Variants in KCNT2 observed in about 807,000 individuals in gnomAD.
KCNT2 encodes the protein potassium channel subfamily T member 2.
In KCNT2, 67 loss-of-function variants were observed where a neutral mutation model predicts 153.8. The ratio of observed to expected loss-of-function variants is 0.44; its 90% CI spans 0.36 to 0.53. KCNT2 has a LOEUF of 0.53. Among genes scored for constraint, KCNT2 ranks in the 20% least tolerant of loss-of-function variants. The probability of loss-of-function intolerance (pLI) is 0.00; values close to 1 mark genes in which losing one functional copy is unlikely to be tolerated. For missense variants in KCNT2, 975 were observed against 1,354.8 expected (o/e 0.72, Z 4.40); for synonymous variants, 500 against 458.8 (o/e 1.09, Z -1.15).
At chr1:196,548,375 G>A (rs563719343) in intron 1 of KCNT2, among the ~76,000 whole-genome samples, 1 of 151,978 alleles carries the variant, frequency 6.6e-6, no homozygotes, top group Non-Finnish European at 1.5e-5. Context: ...CTCAAAAGAA[G>A]ACTTTTATGC....
chr1:196,556,047 T>C (rs1658611223), intron 1 of KCNT2, among the ~76,000 whole-genome samples: 1 of 151,388 alleles, frequency 6.6e-6, no homozygotes, highest in African/African-American at 2.4e-5. Context: ...GCTGTGAAAC[T>C]ACTACAAGAA....
At chr1:196,403,576 T>C (rs1671591994) in intron 12 of KCNT2, among the ~76,000 whole-genome samples, 1 of 151,550 alleles carries the variant, frequency 6.6e-6, no homozygotes, top group Admixed American at 6.6e-5. Context: ...AATTTATCAA[T>C]ATTGGTTCAT....
At chr1:196,456,155 A>G (rs1480443591) in intron 8 of KCNT2, among the ~76,000 whole-genome samples, 2 of 151,946 alleles carry the variant, frequency 1.3e-5, no homozygotes, top group African/African-American at 4.8e-5. Flanking sequence ...GTAGAAGCTG[A>G]TATTGGAAGT....
intron 8 of KCNT2, among the ~76,000 whole-genome samples, chr1:196,461,088 C>A (rs908268579): frequency 6.6e-6 from 1 of 151,634 alleles, no homozygotes; most frequent in Non-Finnish European, 1.5e-5. Flanking sequence ...CACCATTAGA[C>A]CATGTTGTAA....
intron 8 of KCNT2, among the ~76,000 whole-genome samples, chr1:196,441,884 T>C (rs1370694559): frequency 6.6e-6 from 1 of 151,830 alleles, no homozygotes; most frequent in Non-Finnish European, 1.5e-5. Context: ...ATACATACTG[T>C]GCTTAATGTA....
chr1:196,509,245 G>C lies in KCNT2; in HGVS notation c.96-16904C>G, dbSNP rs1452960558. On this transcript the variant is annotated intron_variant, in intron 1 of 27. Coordinates refer to ENST00000294725, the MANE Select transcript of KCNT2 (RefSeq NM_198503.5). ...GATAGTGCCACTGCCCTCCAGCCGGGGCAAAAAAAAAGCGAAACTCCGAAA... is the reference window on the plus strand; with the variant it reads ...GATAGTGCCACTGCCCTCCAGCCGGCGCAAAAAAAAAGCGAAACTCCGAAA... 4.0e-5 allele frequency among the ~76,000 whole-genome samples: 6 copies of C among 148,640 alleles called. No homozygotes were observed. The East Asian group carries it at 9.8e-4, about 24-fold the overall frequency.
In KCNT2 at chr1:196,357,316, T is replaced by A. The variant is rs987452785; in HGVS notation, c.1404-15088A>T. ...GAGTTATCCAGAAAGAATGTTCAAA[T>A]AATTTCTCTTTACTTACTGACTACT... On this transcript the variant is annotated intron_variant, in intron 14 of 27. Coordinates refer to ENST00000294725, the MANE Select transcript of KCNT2 (RefSeq NM_198503.5). Among the ~76,000 whole-genome samples, 5 of 152,108 alleles carry A rather than the reference T, an allele frequency of 3.3e-5. No individual in the cohort carries two copies. The East Asian group carries it at 7.7e-4, about 24-fold the overall frequency.
chr1:196,420,509 G>A (rs1673111283), intron 12 of KCNT2, among the ~76,000 whole-genome samples: 1 of 151,854 alleles, frequency 6.6e-6, no homozygotes, highest in South Asian at 2.1e-4. Flanking sequence ...GAGGCAGAGA[G>A]CTTTTCTCAC....
At chr1:196,488,235 A>C (rs1411339061) in intron 3 of KCNT2, among the ~76,000 whole-genome samples, 2 of 151,950 alleles carry the variant, frequency 1.3e-5, no homozygotes, top group African/African-American at 2.4e-5. Context: ...TAATTAAATA[A>C]ATCTCTTTGC....
At chr1:196,314,134 T>C (rs1276451185) in intron 21 of KCNT2, among the ~76,000 whole-genome samples, 2 of 151,580 alleles carry the variant, frequency 1.3e-5, no homozygotes, top group East Asian at 3.9e-4. Context: ...TATTATTTCC[T>C]TGGAATCAAA....
intron 22 of KCNT2, among the ~76,000 whole-genome samples, chr1:196,289,657 A>G (rs1433345276): frequency 6.6e-6 from 1 of 152,128 alleles, no homozygotes; most frequent in African/African-American, 2.4e-5. Flanking sequence ...AATGTGAAGA[A>G]TTGTAATGTC....
Position 196,373,149 on chromosome 1 carries a change from G to A in KCNT2, c.1394C>T (p.Ser465Phe). Residue 465 changes from serine to phenylalanine, a missense_variant, in exon 14 of 28, where the codon TCT becomes TTT. Ser to Phe is a radical substitution (Grantham distance 155). Around this residue, in one of 6 missense-constraint regions of KCNT2, gnomAD observed 325 missense variants for 388.1 expected, o/e 0.84. Coordinates refer to ENST00000294725, the MANE Select transcript of KCNT2 (RefSeq NM_198503.5). ...GAAAAAATATACTTACTGCCCTCTA[G>A]AGGTATGAACCAGTAGTGTAATAAG... ...STLITLLVHT[S>F]RGQEGQQSPE... 6.8e-7 allele frequency: 1 copy of A among 1,465,640 alleles called. No individual in the cohort carries two copies. The highest frequency in any genetic ancestry group is 9.5e-7 in the Non-Finnish European group (1 of 1,049,056). 90.8% of individuals were successfully genotyped at this position (1,465,640 alleles called of 1,614,324 possible). A position where few individuals can be genotyped will look rare whatever the true frequency, so the allele number is the denominator to read the frequency against.
Position 196,472,532 on chromosome 1 carries a change from C to G in KCNT2, c.385-3464G>C, listed in dbSNP as rs544809497. 3.2e-4 allele frequency among the ~76,000 whole-genome samples: 48 copies of G among 152,174 alleles called. No individual in the cohort carries two copies. In the South Asian group the frequency reaches 7.5e-3, roughly 24 times the overall value. On this transcript the variant is annotated intron_variant, in intron 5 of 27. Coordinates refer to ENST00000294725, the MANE Select transcript of KCNT2 (RefSeq NM_198503.5). ...GACTTCCAATATTGTATCAATAGCT[C>G]GAACCAATATTTTATCTCTTGAGAT...
intron 16 of KCNT2, among the ~76,000 whole-genome samples, chr1:196,339,771 G>T (rs888434020): frequency 4.6e-5 from 7 of 152,048 alleles, no homozygotes; most frequent in Non-Finnish European, 5.9e-5. Context: ...AAACCGTAAA[G>T]AAATTCTTAT....
At chr1:196,349,900 T>A (rs1401875106) in intron 14 of KCNT2, among the ~76,000 whole-genome samples, 1 of 151,946 alleles carries the variant, frequency 6.6e-6, no homozygotes, top group Non-Finnish European at 1.5e-5. Context: ...ATGTTCCCCT[T>A]CCTGTGTCCA....
intron 1 of KCNT2, among the ~76,000 whole-genome samples, chr1:196,525,778 A>ACC (rs1429243000): frequency 1.3e-5 from 2 of 152,246 alleles, no homozygotes; most frequent in South Asian, 4.1e-4. Flanking sequence ...AAGAAGTGTG[A>ACC]AAACTTTCTT....
At chr1:196,470,903 A>AGAG (rs1678044216) in intron 5 of KCNT2, among the ~76,000 whole-genome samples, 1 of 126,456 alleles carries the variant, frequency 7.9e-6, no homozygotes, top group African/African-American at 3.0e-5. Flanking sequence ...TTTTTGAGAC[A>AGAG]GAGTCTCGCT....
chr1:196,544,671 T>G lies in KCNT2; in HGVS notation c.96-52330A>C, dbSNP rs1656839750. On this transcript the variant is annotated intron_variant, in intron 1 of 27. Coordinates refer to ENST00000294725, the MANE Select transcript of KCNT2 (RefSeq NM_198503.5). ...TTGAGTTGCTGGATGTTAGAAATGCTTGGATGGTTTGGTGACTTTCTTTGG... is the reference window on the plus strand; with the variant it reads ...TTGAGTTGCTGGATGTTAGAAATGCGTGGATGGTTTGGTGACTTTCTTTGG... 2.0e-5 allele frequency among the ~76,000 whole-genome samples: 3 copies of G among 152,102 alleles called. No homozygotes were observed. In the South Asian group the frequency reaches 6.2e-4, roughly 31 times the overall value.
chr1:196,451,456 A>G (rs1258021865), intron 8 of KCNT2, among the ~76,000 whole-genome samples: 3 of 95,268 alleles, frequency 3.1e-5, no homozygotes, highest in Non-Finnish European at 6.0e-5. Flanking sequence ...ATGGAGTTTT[A>G]CCAAGTTACC....
Sources: allele counts gnomAD v4.1 joint callset (sites outside exome capture counted in the v4.1 genomes callset), GRCh38; gene constraint gnomAD v4.1.1; regional missense constraint gnomAD v4.1.1; transcripts MANE v1.5; gene names NCBI Gene and HGNC (gene_info 2026-07-23, HGNC 2026-07-21).